CERS6: variants seen among roughly 807,000 people sequenced by gnomAD.
CERS6 encodes LAG1 homolog, ceramide synthase 6.
A neutral mutation model predicts 56.8 loss-of-function variants in CERS6; 26 were observed. The observed-to-expected ratio is 0.46, with a 90% CI of 0.34 to 0.63. CERS6 has a LOEUF of 0.63. Ranked by LOEUF, CERS6 falls within the 30% of genes least tolerant of loss-of-function variation. The pLI is 0.01. For synonymous variants in CERS6, 164 were observed against 173.3 expected, an observed-to-expected ratio of 0.95 and a Z score of 0.42; for missense variants, 415 against 467.5, an observed-to-expected ratio of 0.89 and a Z score of 1.04.
Position 168,715,030 on chromosome 2 carries a change from T to C in CERS6, c.639T>C (p.Leu213=). 6.2e-7 allele frequency: 1 copy of C among 1,610,478 alleles called. No individual in the cohort carries two copies. The highest frequency in any genetic ancestry group is 8.5e-7 in the Non-Finnish European group (1 of 1,178,276). The change falls in exon 7 of 10, where the codon CTT becomes CTC. Residue 213 remains leucine (L), a synonymous_variant. Transcript: ENST00000305747. ...TTGGCATTATGTTCCTGCACCACCT[T>C]GTATCTATTTTCTTGATTACCTTTT... The part of the protein sequence containing the change: ...KDFGIMFLHH[L]VSIFLITFSY...
chr2:168,458,156 A>G (rs574729268), intron 1 of CERS6, among the ~76,000 whole-genome samples: 1 of 152,166 alleles, frequency 6.6e-6, no homozygotes, highest in Admixed American at 6.5e-5. Context: ...CAGGGATAGC[A>G]GGTTTGCTCT....
intron 1 of CERS6, among the ~76,000 whole-genome samples, chr2:168,491,989 T>G (rs1474705726): frequency 2.6e-5 from 4 of 152,214 alleles, no homozygotes; most frequent in Admixed American, 1.3e-4. Context: ...ATGGTGTATA[T>G]GTGCCACATT....
chr2:168,761,412 C>T (rs1168485955), intron 8 of CERS6, among the ~76,000 whole-genome samples: 2 of 152,100 alleles, frequency 1.3e-5, no homozygotes, highest in African/African-American at 4.8e-5. Context: ...ATCACAATGG[C>T]GAGAAAGCTT....
At position 168,766,742 on chromosome 2, in the gene CERS6, G is replaced by A. The variant is rs894660284; in HGVS notation, c.1002+994G>A. Among the ~76,000 whole-genome samples, 5 of 152,308 alleles carry A rather than the reference G, an allele frequency of 3.3e-5. No homozygotes were observed. In the East Asian group the frequency reaches 9.6e-4, roughly 29 times the overall value. On this transcript the variant is annotated intron_variant, in intron 9 of 9. Transcript: ENST00000305747. ...AGGATCAACACATTGCAGAATGGAG[G>A]CCTGAGCATCAGCTGTGGGCCTGAC...
At chr2:168,664,670 T>C (rs907588668) in intron 4 of CERS6, among the ~76,000 whole-genome samples, 3 of 152,194 alleles carry the variant, frequency 2.0e-5, no homozygotes, top group African/African-American at 7.2e-5. Context: ...TAAACTGTCA[T>C]GGTGCTGGTG....
chr2:168,745,264 C>T (rs181876704), intron 8 of CERS6, among the ~76,000 whole-genome samples: 49 of 144,874 alleles, frequency 3.4e-4, no homozygotes, highest in East Asian at 2.3e-3. Flanking sequence ...TTTTTTTAGA[C>T]GGAGTCTTGC....
chr2:168,679,779 G>A (rs1245112884), intron 4 of CERS6, among the ~76,000 whole-genome samples: 2 of 152,128 alleles, frequency 1.3e-5, no homozygotes, highest in African/African-American at 4.8e-5. Flanking sequence ...AACTACAAGT[G>A]GGACTTATAT....
chr2:168,594,923 T>C (rs540760595), intron 3 of CERS6, among the ~76,000 whole-genome samples: 2 of 152,318 alleles, frequency 1.3e-5, no homozygotes, highest in South Asian at 4.1e-4. Flanking sequence ...TCAGTGAATG[T>C]ATGGTGGTTT....
intron 3 of CERS6, among the ~76,000 whole-genome samples, chr2:168,583,345 G>A (rs1683465090): frequency 6.6e-6 from 1 of 152,140 alleles, no homozygotes; most frequent in Non-Finnish European, 1.5e-5. Context: ...AGAAAAGTGT[G>A]AGAGAAGAAG....
At chr2:168,574,248 T>C (rs532587024) in intron 3 of CERS6, among the ~76,000 whole-genome samples, 14 of 152,300 alleles carry the variant, frequency 9.2e-5, no homozygotes, top group African/African-American at 3.1e-4. Flanking sequence ...TCTGGAATTA[T>C]GAAGCGTTTA....
intron 8 of CERS6, among the ~76,000 whole-genome samples, chr2:168,736,596 G>C (rs1683724377): frequency 6.6e-6 from 1 of 152,216 alleles, no homozygotes; most frequent in Non-Finnish European, 1.5e-5. Context: ...TCCAGTGCCT[G>C]GCCGTAGGTG....
At chr2:168,726,045 A>T (rs1274157158) in intron 8 of CERS6, among the ~76,000 whole-genome samples, 1 of 152,198 alleles carries the variant, frequency 6.6e-6, no homozygotes. Flanking sequence ...TATGGCATAG[A>T]TTGTACTCAA....
intron 6 of CERS6, 22 bp downstream of exon 6, chr2:168,695,073 A>C (rs1574166829): frequency 6.3e-7 from 1 of 1,585,754 alleles, no homozygotes; most frequent in Middle Eastern, 1.7e-4. Context: ...TATGTCGTAA[A>C]GTGCTTGCAA....
At chr2:168,560,703 G>C (rs1444230465) in intron 2 of CERS6, among the ~76,000 whole-genome samples, 7 of 152,112 alleles carry the variant, frequency 4.6e-5, no homozygotes, top group Non-Finnish European at 7.4e-5. Context: ...CTTAAATGAG[G>C]CACTTTAGGA....
intron 7 of CERS6, among the ~76,000 whole-genome samples, chr2:168,716,893 T>C (rs535817793): frequency 2.0e-5 from 3 of 152,274 alleles, no homozygotes; most frequent in African/African-American, 7.2e-5. Flanking sequence ...CTGTGGATAA[T>C]GTCAACAATC....
intron 4 of CERS6, among the ~76,000 whole-genome samples, chr2:168,679,480 A>T (rs1314413064): frequency 6.6e-6 from 1 of 152,206 alleles, no homozygotes; most frequent in Non-Finnish European, 1.5e-5. Context: ...AAGAGACTGT[A>T]TGTATATCCA....
At chr2:168,744,196 G>A (rs537353499) in intron 8 of CERS6, among the ~76,000 whole-genome samples, 16 of 151,534 alleles carry the variant, frequency 1.1e-4, no homozygotes, top group Non-Finnish European at 2.2e-4. Context: ...TAGTAGAGAC[G>A]GGGTTTCACC....
chr2:168,618,729 G>A (rs1684386674), intron 3 of CERS6, among the ~76,000 whole-genome samples: 2 of 152,160 alleles, frequency 1.3e-5, no homozygotes, highest in African/African-American at 4.8e-5. Context: ...GTAAATCATA[G>A]ATGACATAAG....
At chr2:168,591,321 C>T (rs1395420565) in intron 3 of CERS6, among the ~76,000 whole-genome samples, 1 of 152,180 alleles carries the variant, frequency 6.6e-6, no homozygotes, top group East Asian at 1.9e-4. Context: ...AATGGCTTCA[C>T]CATCCACATC....
Sources: allele counts gnomAD v4.1 joint callset (sites outside exome capture counted in the v4.1 genomes callset), GRCh38; gene constraint gnomAD v4.1.1; transcripts MANE v1.5; gene names NCBI Gene and HGNC (gene_info 2026-07-23, HGNC 2026-07-21).